Variants in PCDH9 observed in about 807,000 individuals in gnomAD.
The protein encoded by PCDH9 is protocadherin 9, also known as protocadherin-9.
Under a neutral mutation model 70.6 loss-of-function variants are expected in PCDH9, and 24 were observed. That is an observed-to-expected ratio of 0.34 (90% CI 0.25 to 0.48). The LOEUF (loss-of-function observed/expected upper bound fraction) is 0.48, where lower values mean the gene tolerates loss of function less well. Ranked by LOEUF, PCDH9 falls within the 20% of genes least tolerant of loss-of-function variation. The probability of loss-of-function intolerance (pLI) is 0.99; values close to 1 mark genes in which losing one functional copy is unlikely to be tolerated. For synonymous variants in PCDH9, 562 were observed against 558.5 expected (o/e 1.01, Z -0.09); for missense variants, 1,281 against 1,503.6 (o/e 0.85, Z 2.45).
At chr13:66,668,417 T>C (rs1296500934) in intron 3 of PCDH9, among the ~76,000 whole-genome samples, 1 of 152,160 alleles carries the variant, frequency 6.6e-6, no homozygotes, top group African/African-American at 2.4e-5. Context: ...TGCTCATCAA[T>C]GTCACATCTT....
chr13:66,423,489 T>A (rs539803227), intron 4 of PCDH9, among the ~76,000 whole-genome samples: 1 of 152,228 alleles, frequency 6.6e-6, no homozygotes, highest in African/African-American at 2.4e-5. Flanking sequence ...CACAATCAAG[T>A]CAGCTTCATC....
chr13:66,958,819 C>T (rs753617210), intron 2 of PCDH9, among the ~76,000 whole-genome samples: 2 of 152,138 alleles, frequency 1.3e-5, no homozygotes, highest in Admixed American at 6.5e-5. Flanking sequence ...TAAGTACCCA[C>T]GCTAGAGAGG....
At chr13:66,969,041 G>A (rs898664456) in intron 2 of PCDH9, among the ~76,000 whole-genome samples, 2 of 151,858 alleles carry the variant, frequency 1.3e-5, no homozygotes, top group Non-Finnish European at 2.9e-5. Context: ...TTGTTTCCCT[G>A]AAATAGAGGA....
intron 4 of PCDH9, among the ~76,000 whole-genome samples, chr13:66,356,855 G>A (rs1251577403): frequency 1.3e-5 from 2 of 151,952 alleles, no homozygotes; most frequent in Non-Finnish European, 2.9e-5. Flanking sequence ...TATGATGACA[G>A]TACTGTCATT....
intron 4 of PCDH9, among the ~76,000 whole-genome samples, chr13:66,616,481 A>ATTATT (rs1186865702): frequency 4.5e-5 from 1 of 22,284 alleles, no homozygotes; most frequent in Admixed American, 8.2e-4. Context: ...AAATTCTAAA[A>ATTATT]TTCTTTTTTT....
chr13:67,157,052 C>A (rs2087832672), intron 2 of PCDH9, among the ~76,000 whole-genome samples: 1 of 152,178 alleles, frequency 6.6e-6, no homozygotes, highest in African/African-American at 2.4e-5. Flanking sequence ...CTCTTTATTT[C>A]TTTTGCTTTA....
At chr13:66,738,006 G>A (rs1254588975) in intron 3 of PCDH9, among the ~76,000 whole-genome samples, 1 of 152,168 alleles carries the variant, frequency 6.6e-6, no homozygotes, top group African/African-American at 2.4e-5. Context: ...AGCTCAAGGA[G>A]GCCTGCCTGC....
intron 4 of PCDH9, among the ~76,000 whole-genome samples, chr13:66,431,495 G>A (rs1434543096): frequency 1.3e-5 from 2 of 151,942 alleles, no homozygotes; most frequent in Non-Finnish European, 2.9e-5. Flanking sequence ...ACTGTTTATG[G>A]TGATTTATCA....
At chr13:66,504,752 G>A (rs958726412) in intron 4 of PCDH9, among the ~76,000 whole-genome samples, 1 of 152,198 alleles carries the variant, frequency 6.6e-6, no homozygotes, top group Non-Finnish European at 1.5e-5. Flanking sequence ...ATTGATGAAT[G>A]CTACCTGCTG....
intron 2 of PCDH9, among the ~76,000 whole-genome samples, chr13:67,114,354 T>C (rs1311421227): frequency 6.6e-6 from 1 of 152,176 alleles, no homozygotes; most frequent in Non-Finnish European, 1.5e-5. Context: ...AGGAACCAAT[T>C]TTAGCCTCTT....
At chr13:66,767,336 T>A (rs1413916256) in intron 3 of PCDH9, among the ~76,000 whole-genome samples, 1 of 152,160 alleles carries the variant, frequency 6.6e-6, no homozygotes, top group African/African-American at 2.4e-5. Flanking sequence ...ACCATTGGAA[T>A]TGCTTGATCA....
At chr13:66,623,208 G>A (rs1005089242) in intron 4 of PCDH9, among the ~76,000 whole-genome samples, 6 of 152,206 alleles carry the variant, frequency 3.9e-5, no homozygotes, top group African/African-American at 7.2e-5. Flanking sequence ...ACTATCAGCC[G>A]ACTATTTGAC....
intron 2 of PCDH9, among the ~76,000 whole-genome samples, chr13:67,155,520 T>G (rs2087786998): frequency 6.6e-6 from 1 of 152,178 alleles, no homozygotes; most frequent in Admixed American, 6.5e-5. Context: ...CAACTATTGT[T>G]GCATTTTTAA....
At chr13:66,375,462 T>G (rs914496435) in intron 4 of PCDH9, among the ~76,000 whole-genome samples, 1 of 152,140 alleles carries the variant, frequency 6.6e-6, no homozygotes, top group African/African-American at 2.4e-5. Flanking sequence ...GCTCTTCCAT[T>G]CTCAATCATT....
intron 2 of PCDH9, among the ~76,000 whole-genome samples, chr13:67,077,754 AT>A (rs374906554): frequency 9.2e-5 from 14 of 152,104 alleles, no homozygotes; most frequent in African/African-American, 3.4e-4. Context: ...TTTCCCTCAC[AT>A]TGCATTTCAA....
At chr13:66,730,258 C>T (rs1311464844) in intron 3 of PCDH9, among the ~76,000 whole-genome samples, 2 of 151,912 alleles carry the variant, frequency 1.3e-5, no homozygotes, top group African/African-American at 2.4e-5. Flanking sequence ...ACAAGCTTTC[C>T]TGTCATTTAA....
chr13:66,900,144 T>C (rs976504726), intron 3 of PCDH9, among the ~76,000 whole-genome samples: 3 of 151,924 alleles, frequency 2.0e-5, no homozygotes, highest in African/African-American at 4.8e-5. Flanking sequence ...TTGCTGTTAC[T>C]TAGATAATAT....
chr13:66,329,191 A>C (rs1955898941), intron 4 of PCDH9, among the ~76,000 whole-genome samples: 1 of 152,154 alleles, frequency 6.6e-6, no homozygotes, highest in African/African-American at 2.4e-5. Context: ...CTACAGACTA[A>C]ACTGTAATTT....
intron 4 of PCDH9, among the ~76,000 whole-genome samples, chr13:66,470,019 T>C (rs1342926814): frequency 1.3e-5 from 2 of 152,148 alleles, no homozygotes; most frequent in Non-Finnish European, 1.5e-5. Flanking sequence ...TCTGGTGAAT[T>C]CTTGAACTAC....
Sources: allele counts gnomAD v4.1 joint callset (sites outside exome capture counted in the v4.1 genomes callset), GRCh38; gene constraint gnomAD v4.1.1; transcripts MANE v1.5; gene names NCBI Gene and HGNC (gene_info 2026-07-23, HGNC 2026-07-21).